The following ATXN10 variants were observed in gnomAD, a reference collection of about 807,000 sequenced individuals.
ATXN10 encodes ataxin-10.
A neutral mutation model predicts 52.9 loss-of-function variants in ATXN10; 28 were observed. That is an observed-to-expected ratio of 0.53 (90% confidence interval 0.39 to 0.73). The LOEUF is 0.73. Among genes scored for constraint, ATXN10 ranks in the 30% least tolerant of loss-of-function variants. The pLI is 0.00. For missense variants in ATXN10, 565 were observed against 577.0 expected (o/e 0.98, Z 0.21); for synonymous variants, 226 against 221.5 (o/e 1.02, Z -0.18).
chr22:45,696,083 T>A lies in ATXN10; in HGVS notation c.391+3005T>A, dbSNP rs1165252931. On this transcript the variant is annotated intron_variant, in intron 3 of 11. Transcript: ENST00000252934. The surrounding 1 kb of genome is among the most constrained non-coding windows in gnomAD (Gnocchi z 4.7). ...GACAAAGTGCATCACCATGTTTTTT[T>A]GAGCATCAGTTTTTAAAATAATCTC... 1.3e-5 allele frequency among the ~76,000 whole-genome samples: 2 copies of A among 152,230 alleles called. No homozygotes were observed. The highest frequency in any genetic ancestry group is 4.8e-5 in the African/African-American group (2 of 41,464).
chr22:45,809,840 T>C (rs1928223590), intron 10 of ATXN10, among the ~76,000 whole-genome samples: 1 of 152,260 alleles, frequency 6.6e-6, no homozygotes, highest in South Asian at 2.1e-4. Flanking sequence ...CTACATGTGT[T>C]GCTAGTATTT....
At chr22:45,747,940 G>A (rs1053404828) in intron 9 of ATXN10, among the ~76,000 whole-genome samples, 1 of 151,308 alleles carries the variant, frequency 6.6e-6, no homozygotes, top group African/African-American at 2.4e-5. Context: ...TAAATAGCCG[G>A]TATTTCCAGT....
rs1381744183 is a variant in ATXN10, at chr22:45,823,085, A to G, written c.1237+16063A>G. 1 of 452,908 alleles carries G rather than the reference A, an allele frequency of 2.2e-6. No individual in the cohort carries two copies. The highest frequency in any genetic ancestry group is 1.7e-5 in the South Asian group (1 of 60,372). The allele number at this position is 452,908 out of a possible 1,614,324, so 28.1% of individuals were successfully genotyped here. A position where few individuals can be genotyped will look rare whatever the true frequency, so the allele number is the denominator to read the frequency against. The stretch of plus-strand genomic sequence containing the variant: ...ATAACTTAAATAGAGTAAACTGCAA[A>G]ATTTTTAAGTATACATCTTGACATA... On this transcript the variant is annotated intron_variant, in intron 10 of 11. Coordinates refer to ENST00000252934, the MANE Select transcript of ATXN10 (RefSeq NM_013236.4). The surrounding 1 kb of genome is among the most constrained non-coding windows in gnomAD (Gnocchi z 4.9).
chr22:45,800,050 C>CA (rs1927880131), intron 9 of ATXN10, among the ~76,000 whole-genome samples: 2 of 151,968 alleles, frequency 1.3e-5, no homozygotes, highest in African/African-American at 2.4e-5. Context: ...TAGAAGAAAA[C>CA]ATTATGGATA....
chr22:45,733,324 T>C lies in ATXN10; in HGVS notation c.894+3734T>C, dbSNP rs1439602305. 6.6e-6 allele frequency among the ~76,000 whole-genome samples: 1 copy of C among 152,236 alleles called. No homozygotes were observed. Among genetic ancestry groups the C allele is most frequent in the Non-Finnish European group, 1.5e-5 (1 of 68,038 alleles). On this transcript the variant is annotated intron_variant, in intron 7 of 11. Transcript: ENST00000252934. This position sits in a 1 kb window ranked among gnomAD's most constrained non-coding sequence, Gnocchi z 4.4. ...TTACATAATACATATTTAATACATA[T>C]TCTACAATAAATAGTGTATTTTTTC...
At chr22:45,703,466 G>A (rs1292583781) in intron 5 of ATXN10, among the ~76,000 whole-genome samples, 1 of 151,986 alleles carries the variant, frequency 6.6e-6, no homozygotes, top group Non-Finnish European at 1.5e-5. Context: ...GAAAATTTTC[G>A]CTGTTATTTG....
intron 9 of ATXN10, chr22:45,793,607 C>T (rs1927596372): frequency 1.5e-6 from 2 of 1,324,766 alleles, no homozygotes; most frequent in South Asian, 2.9e-5. Flanking sequence ...TTTTAGGCAG[C>T]TATTGCTTCA....
At position 45,770,544 on chromosome 22, in the gene ATXN10, CTG is replaced by C. The variant is rs1303304153; in HGVS notation, c.1173+30007_1173+30008del. ...AAAGTTTAACATTGCAGAGGGGGCT[CTG>C]AATGAGCTGGATGATAGGCAGACCT... On this transcript the variant is annotated intron_variant, in intron 9 of 11. Transcript: ENST00000252934. This position sits in a 1 kb window ranked among gnomAD's most constrained non-coding sequence, Gnocchi z 4.5. Among the ~76,000 whole-genome samples the C allele has an allele frequency of 1.3e-5, 2 of 152,106 alleles. No individual in the cohort carries two copies. Among genetic ancestry groups the C allele is most frequent in the Admixed American group, 6.6e-5 (1 of 15,252 alleles).
intron 9 of ATXN10, among the ~76,000 whole-genome samples, chr22:45,798,907 A>G (rs1927838658): frequency 6.6e-6 from 1 of 152,242 alleles, no homozygotes; most frequent in African/African-American, 2.4e-5. Flanking sequence ...ATATTTAGGA[A>G]TAAACTTTAA....
chr22:45,734,652 A>G (rs1925221188), intron 7 of ATXN10, among the ~76,000 whole-genome samples: 1 of 151,060 alleles, frequency 6.6e-6, no homozygotes, highest in South Asian at 2.1e-4. Flanking sequence ...TTCTTTCAGT[A>G]CTTAGTTCTC....
chr22:45,755,137 G>T (rs1272546711), intron 9 of ATXN10, among the ~76,000 whole-genome samples: 1 of 152,202 alleles, frequency 6.6e-6, no homozygotes, highest in Non-Finnish European at 1.5e-5. Context: ...CCAAACGCTT[G>T]TTCAGGACTT....
At chr22:45,811,734 C>T in intron 10 of ATXN10, 1 of 471,138 alleles carries the variant, frequency 2.1e-6, no homozygotes, top group Non-Finnish European at 4.4e-6. Context: ...CATTGCTGGC[C>T]CTGAACTTCG....
Position 45,831,372 on chromosome 22 carries a change from T to TA in ATXN10, c.1238-11607dup, listed in dbSNP as rs1011687891. Among the ~76,000 whole-genome samples the TA allele has an allele frequency of 1.9e-3, 287 of 148,258 alleles. 2 individuals are homozygous for TA. Among genetic ancestry groups the TA allele is most frequent in the East Asian group, 0.012 (60 of 5,098 alleles). On this transcript the variant is annotated intron_variant, in intron 10 of 11. Coordinates refer to ENST00000252934, the MANE Select transcript of ATXN10 (RefSeq NM_013236.4). ...TTATGTTACGTGTACCTTACCACAGTAAAAAAAAAAAATTTTGGAGAAAAA... is the reference window on the plus strand; with the variant it reads ...TTATGTTACGTGTACCTTACCACAGTAAAAAAAAAAAAATTTTGGAGAAAAA...
In ATXN10 at chr22:45,837,885, TA is replaced by T. The variant is rs1929220592; in HGVS notation, c.1238-5101del. Among the ~76,000 whole-genome samples, 1 of 152,366 alleles carries T rather than the reference TA, an allele frequency of 6.6e-6. No homozygotes were observed. The highest frequency in any genetic ancestry group is 1.5e-5 in the Non-Finnish European group (1 of 68,038). On this transcript the variant is annotated intron_variant, in intron 10 of 11. Coordinates refer to ENST00000252934, the MANE Select transcript of ATXN10 (RefSeq NM_013236.4). The surrounding 1 kb of genome is among the most constrained non-coding windows in gnomAD (Gnocchi z 5.8). ...TAAAACTGTTTTTAGTTTGCTGTCA[TA>T]AAAAGCACAGGCCATCATTTGCTGA...
chr22:45,757,574 T>G lies in ATXN10; in HGVS notation c.1173+17036T>G, dbSNP rs559264705. Among the ~76,000 whole-genome samples, 1 of 152,096 alleles carries G rather than the reference T, an allele frequency of 6.6e-6. No individual in the cohort carries two copies. Among genetic ancestry groups the G allele is most frequent in the Non-Finnish European group, 1.5e-5 (1 of 67,994 alleles). On this transcript the variant is annotated intron_variant, in intron 9 of 11. Coordinates refer to ENST00000252934, the MANE Select transcript of ATXN10 (RefSeq NM_013236.4). This position sits in a 1 kb window ranked among gnomAD's most constrained non-coding sequence, Gnocchi z 4.6. ...CTCTGTATTCTCTAAGATAGATTTG[T>G]TCTTAATCTTGAAAAATCATTTCTA...
intron 5 of ATXN10, among the ~76,000 whole-genome samples, chr22:45,709,185 G>C (rs193005852): frequency 1.3e-5 from 2 of 152,084 alleles, no homozygotes; most frequent in Admixed American, 1.3e-4. Context: ...TTCTGTTCGC[G>C]CACAACAGCC....
intron 9 of ATXN10, among the ~76,000 whole-genome samples, chr22:45,749,887 T>C (rs1257303620): frequency 6.6e-6 from 1 of 151,998 alleles, no homozygotes; most frequent in African/African-American, 2.4e-5. Context: ...TCTTTAAGGT[T>C]CATGTTGAGG....
At chr22:45,760,532 C>T (rs41524547) in intron 9 of ATXN10, 1 of 153,744 alleles carries the variant, frequency 6.5e-6, no homozygotes, top group Non-Finnish European at 1.5e-5. Flanking sequence ...TTCTGATACC[C>T]CAAATCTTGA....
intron 6 of ATXN10, 92 bp from the exon 7 acceptor site, chr22:45,729,333 T>C: frequency 7.7e-7 from 1 of 1,296,388 alleles, no homozygotes; most frequent in Middle Eastern, 1.8e-4. Context: ...TTTAAAATAA[T>C]AATATTCCCT....
Sources: gnomAD v4.1 joint callset for allele counts (sites outside exome capture counted in the v4.1 genomes callset) on GRCh38, gnomAD v4.1.1 for gene constraint, Gnocchi (gnomAD v3.1) non-coding constraint, MANE v1.5 for transcripts, NCBI Gene and HGNC (gene_info 2026-07-23, HGNC 2026-07-21) for gene names.